SLC9A7: variants seen among roughly 807,000 people sequenced by gnomAD.
The protein encoded by SLC9A7 is sodium/hydrogen exchanger 7.
In SLC9A7, 19 loss-of-function variants were observed where a neutral mutation model predicts 52.6. The ratio of observed to expected loss-of-function variants is 0.36; its 90% CI spans 0.25 to 0.53. The LOEUF (loss-of-function observed/expected upper bound fraction) is 0.53, where lower values mean the gene tolerates loss of function less well. Ranked by LOEUF, SLC9A7 falls within the 20% of genes least tolerant of loss-of-function variation. The pLI is 0.91. For synonymous variants in SLC9A7, 226 were observed against 252.1 expected (o/e 0.90, Z 0.98); for missense variants, 455 against 597.9 (o/e 0.76, Z 2.49).
rs1389380292 is a variant in SLC9A7 at position 46,653,823 on chromosome X, AC to A, written c.1042-110del. The A allele has an allele frequency of 8.2e-6, 4 of 488,215 alleles. No individual in the cohort carries two copies. The Admixed American group carries it at 1.2e-4, about 15-fold the overall frequency. The allele number at this position is 488,215 out of a possible 1,213,427, so 40.2% of individuals were successfully genotyped here. On this transcript the variant is annotated intron_variant, in intron 7 of 16. Transcript: ENST00000616978. The stretch of plus-strand genomic sequence containing the variant: ...CCCAAAGGGCTAGCCTTTCCCTTCA[AC>A]CTTTTTTTTTTTTTGGAGGCTCTAA...
intron 14 of SLC9A7, among the ~76,000 whole-genome samples, chrX:46,622,050 A>G (rs1233236524): frequency 8.9e-6 from 1 of 112,358 alleles, no homozygotes; most frequent in Non-Finnish European, 1.9e-5. Flanking sequence ...ATCTTTGAGA[A>G]GCACATAGAC....
Position 46,679,746 on chromosome X carries a change from C to T in SLC9A7, c.535G>A (p.Asp179Asn), listed in dbSNP as rs935762439. ...AGAATGTTGAAAAATACTTCTGGAT[C>T]GAATGTTACCTGAAAGTTTAAAAAG... is the stretch of plus-strand genomic sequence containing the variant. ...QNDMLRKVTF[D>N]PEVFFNILLP... Residue 179 changes from aspartate (D) to asparagine (N), a missense_variant, in exon 3 of 17, where the codon GAT becomes AAT. Coordinates refer to ENST00000616978, the MANE Select transcript of SLC9A7 (RefSeq NM_001257291.2). 12 of 1,177,524 alleles carry T rather than the reference C, an allele frequency of 1.0e-5. No homozygotes were observed. The highest frequency in any genetic ancestry group is 1.3e-5 in the Non-Finnish European group (11 of 873,635).
intron 1 of SLC9A7, among the ~76,000 whole-genome samples, chrX:46,728,999 A>G (rs1944985608): frequency 8.9e-6 from 1 of 112,555 alleles, no homozygotes; most frequent in Non-Finnish European, 1.9e-5. Context: ...GTTCTGCAAA[A>G]GCAGATTTCC....
chrX:46,734,456 C>T (rs1212698697), intron 1 of SLC9A7, among the ~76,000 whole-genome samples: 1 of 112,226 alleles, frequency 8.9e-6, no homozygotes, highest in East Asian at 2.8e-4. Flanking sequence ...AAACAGAATA[C>T]CAAATCACTG....
At chrX:46,708,121 G>T (rs1434895183) in intron 1 of SLC9A7, among the ~76,000 whole-genome samples, 1 of 112,158 alleles carries the variant, frequency 8.9e-6, no homozygotes, top group African/African-American at 3.2e-5. Context: ...ACCAGCCTGG[G>T]TAACATAACA....
intron 11 of SLC9A7, among the ~76,000 whole-genome samples, chrX:46,647,529 T>C (rs759670530): frequency 8.9e-6 from 1 of 112,761 alleles, no homozygotes; most frequent in Non-Finnish European, 1.9e-5. Flanking sequence ...CATTCTCTTC[T>C]TGTTCACATT....
chrX:46,603,444 ACT>A lies in SLC9A7; in HGVS notation c.*3506_*3507del, dbSNP rs1057076787. 1.8e-5 allele frequency: 2 copies of A among 111,132 alleles called. No individual in the cohort carries two copies. Among genetic ancestry groups the A allele is most frequent in the African/African-American group, 6.6e-5 (2 of 30,504 alleles). 9.2% of individuals were successfully genotyped at this position (111,132 alleles called of 1,213,427 possible). Reference sequence around the variant, plus strand: ...AAGACCCTTTGGGGATAAACACAACACTCTATGAATTGAACTAAGACTAGGAA... The same window carrying A: ...AAGACCCTTTGGGGATAAACACAACACTATGAATTGAACTAAGACTAGGAA... On this transcript the variant is annotated 3_prime_UTR_variant, in exon 17 of 17. Coordinates refer to ENST00000616978, the MANE Select transcript of SLC9A7 (RefSeq NM_001257291.2).
chrX:46,651,461 A>C, intron 8 of SLC9A7, 57 bp from the exon 9 acceptor site: 2 of 979,545 alleles, frequency 2.0e-6, no homozygotes, highest in Non-Finnish European at 2.9e-6. Flanking sequence ...AGGGGAAAAA[A>C]AAAACCCTGC....
chrX:46,661,234 AG>A (rs1384858713), intron 7 of SLC9A7, among the ~76,000 whole-genome samples: 11 of 92,999 alleles, frequency 1.2e-4, no homozygotes, highest in Non-Finnish European at 1.9e-4. Flanking sequence ...GGGTGGGGGA[AG>A]GGGGGAGGGA....
intron 7 of SLC9A7, among the ~76,000 whole-genome samples, chrX:46,660,359 A>C (rs1471797564): frequency 8.9e-6 from 1 of 111,870 alleles, no homozygotes; most frequent in Non-Finnish European, 1.9e-5. Context: ...CGAAAGCCAA[A>C]ATTGACAAAT....
rs761141771 is a variant in SLC9A7 at position 46,613,319 on chromosome X, A to C, written c.1899T>G (p.Ala633=). 3 of 1,208,492 alleles carry C rather than the reference A, an allele frequency of 2.5e-6. No individual in the cohort carries two copies. In the South Asian group the frequency reaches 5.3e-5, roughly 21 times the overall value. ...ACACCTGGGGACTGGTCAGACATCG[A>C]GCTAGTAAGCCACACCAGGCGGGGA... is the stretch of plus-strand genomic sequence containing the variant. ...TTLPAWCGLL[A]RCLTSPQVYD... is the part of the protein sequence containing the mutation. Residue 633 remains alanine (A), a synonymous_variant, in exon 16 of 17, where the codon GCT becomes GCG. Coordinates refer to ENST00000616978, the MANE Select transcript of SLC9A7 (RefSeq NM_001257291.2).
At chrX:46,729,064 C>CG (rs1441926688) in intron 1 of SLC9A7, among the ~76,000 whole-genome samples, 1 of 111,683 alleles carries the variant, frequency 9.0e-6, no homozygotes, top group Non-Finnish European at 1.9e-5. Flanking sequence ...CACAAGTGTA[C>CG]GCAGTGTCAA....
Position 46,606,957 on chromosome X carries a change from C to G in SLC9A7, c.2176G>C (p.Ala726Pro). The G allele has an allele frequency of 8.3e-7, 1 of 1,211,550 alleles. No homozygotes were observed. The highest frequency in any genetic ancestry group is 1.1e-6 in the Non-Finnish European group (1 of 895,454). ...GCCAGGGCTTGGGGGGAAAGTCAAG[C>G]ATTATCTTCCAGGGGAAACACTAGG... ...TRLVFPLEDN[A>P] Residue 726 changes from alanine to proline, a missense_variant, in exon 17 of 17, where the codon GCT (alanine) becomes CCT (proline). Transcript: ENST00000616978.
intron 1 of SLC9A7, among the ~76,000 whole-genome samples, chrX:46,689,391 C>A (rs961911723): frequency 8.0e-5 from 9 of 111,960 alleles, no homozygotes; most frequent in African/African-American, 2.6e-4. Flanking sequence ...TATAAACACT[C>A]ACCTACTGAG....
chrX:46,629,026 T>G (rs780933191), intron 14 of SLC9A7, among the ~76,000 whole-genome samples: 1 of 112,183 alleles, frequency 8.9e-6, no homozygotes, highest in South Asian at 3.7e-4. Context: ...AGTTTGCATG[T>G]TTTTCCCCAT....
At chrX:46,615,450 C>A (rs771571967) in intron 15 of SLC9A7, among the ~76,000 whole-genome samples, 45 of 110,351 alleles carry the variant, frequency 4.1e-4, no homozygotes, top group African/African-American at 1.5e-3. Context: ...CCCTACAGGC[C>A]TGTCAGTTTT....
chrX:46,689,541 A>G (rs1424945621), intron 1 of SLC9A7, among the ~76,000 whole-genome samples: 2 of 110,583 alleles, frequency 1.8e-5, no homozygotes, highest in Non-Finnish European at 1.9e-5. Context: ...TATGTGCAGC[A>G]TATCTTTAAC....
At chrX:46,618,624 G>C (rs1014489582) in intron 15 of SLC9A7, among the ~76,000 whole-genome samples, 2 of 112,237 alleles carry the variant, frequency 1.8e-5, no homozygotes, top group Non-Finnish European at 3.8e-5. Context: ...ATTGGATTAA[G>C]ACCTTTTGTT....
chrX:46,645,799 C>T (rs1943482766), intron 11 of SLC9A7, among the ~76,000 whole-genome samples: 1 of 110,860 alleles, frequency 9.0e-6, no homozygotes, highest in Non-Finnish European at 1.9e-5. Flanking sequence ...ACTTCACTGC[C>T]ATGAAACAAG....
Sources: allele counts gnomAD v4.1 joint callset (sites outside exome capture counted in the v4.1 genomes callset), GRCh38; gene constraint gnomAD v4.1.1; transcripts MANE v1.5; gene names NCBI Gene and HGNC (gene_info 2026-07-23, HGNC 2026-07-21).